Variants in CSNK2A2IP observed in about 807,000 individuals in gnomAD.
CSNK2A2IP encodes casein kinase 2 subunit alpha' interacting protein.
chr3:88,364,305 G>T, the CSNK2A2IP span, among the ~76,000 whole-genome samples: 1 of 151,878 alleles, frequency 6.6e-6, no homozygotes, highest in Non-Finnish European at 1.5e-5. Flanking sequence ...TATTGCTTCA[G>T]GTGGGATGGT....
At chr3:88,354,536 A>G in the CSNK2A2IP span, among the ~76,000 whole-genome samples, 66,631 of 151,994 alleles carry the variant, frequency 0.44, 15,860 homozygotes, top group South Asian at 0.62. Context: ...GAATATTTTA[A>G]GTGAGAGATG....
At chr3:88,386,455 C>T in the CSNK2A2IP span, among the ~76,000 whole-genome samples, 6 of 152,138 alleles carry the variant, frequency 3.9e-5, no homozygotes, top group South Asian at 2.1e-4. Context: ...AAAGAAACCA[C>T]GGAGAAAGCA....
the CSNK2A2IP span, among the ~76,000 whole-genome samples, chr3:88,427,487 C>A: frequency 6.6e-6 from 1 of 152,208 alleles, no homozygotes; most frequent in Non-Finnish European, 1.5e-5. Flanking sequence ...CAGGGCGTAT[C>A]AGAGACTTCT....
At chr3:88,449,786 G>T in the CSNK2A2IP span, among the ~76,000 whole-genome samples, 1 of 122,422 alleles carries the variant, frequency 8.2e-6, no homozygotes, top group East Asian at 2.7e-4. Flanking sequence ...GAGAAAAAAA[G>T]GTATATTTGG....
the CSNK2A2IP span, among the ~76,000 whole-genome samples, chr3:88,461,126 G>A: frequency 6.6e-6 from 1 of 151,904 alleles, no homozygotes; most frequent in Non-Finnish European, 1.5e-5. Flanking sequence ...TAGTTGTATC[G>A]TGCTATATAT....
the CSNK2A2IP span, among the ~76,000 whole-genome samples, chr3:88,352,711 C>A: frequency 1.3e-5 from 2 of 151,858 alleles, no homozygotes; most frequent in African/African-American, 2.4e-5. Context: ...CTTGAGTAGC[C>A]CGGACCACAG....
At chr3:88,460,064 T>C in the CSNK2A2IP span, among the ~76,000 whole-genome samples, 1 of 152,178 alleles carries the variant, frequency 6.6e-6, no homozygotes, top group Admixed American at 6.5e-5. Flanking sequence ...TCTATATTTA[T>C]GGTACTCTGA....
At chr3:88,452,434 C>G in the CSNK2A2IP span, among the ~76,000 whole-genome samples, 1 of 152,112 alleles carries the variant, frequency 6.6e-6, no homozygotes, top group African/African-American at 2.4e-5. Context: ...TGACTCAGCA[C>G]TCCACATGCT....
At chr3:88,429,296 C>A in the CSNK2A2IP span, among the ~76,000 whole-genome samples, 3 of 152,068 alleles carry the variant, frequency 2.0e-5, no homozygotes, top group Admixed American at 6.5e-5. Context: ...TGCCTCCAGG[C>A]TCTTTCCCAG....
At chr3:88,376,614 ATT>A in the CSNK2A2IP span, among the ~76,000 whole-genome samples, 1 of 151,412 alleles carries the variant, frequency 6.6e-6, no homozygotes, top group Non-Finnish European at 1.5e-5. Flanking sequence ...TACATTCACT[ATT>A]TTTTTTCAGC....
chr3:88,367,955 C>G, the CSNK2A2IP span, among the ~76,000 whole-genome samples: 4 of 151,988 alleles, frequency 2.6e-5, no homozygotes, highest in South Asian at 8.3e-4. Context: ...TAGCAGTGAG[C>G]GTTCTGTTGT....
chr3:88,466,215 T>C, the CSNK2A2IP span: 1 of 1,231,566 alleles, frequency 8.1e-7, no homozygotes, highest in African/African-American at 1.6e-5. Context: ...TATTGAACTC[T>C]AACCCCACTA....
At chr3:88,396,582 G>A in the CSNK2A2IP span, among the ~76,000 whole-genome samples, 2 of 152,176 alleles carry the variant, frequency 1.3e-5, no homozygotes, top group African/African-American at 4.8e-5. Flanking sequence ...ACGACCTGTG[G>A]TGGGAGGAAA....
At chr3:88,465,863 G>T in the CSNK2A2IP span, 1 of 1,231,662 alleles carries the variant, frequency 8.1e-7, no homozygotes, top group Non-Finnish European at 1.0e-6. Context: ...GTTTGCTGGA[G>T]ATCACTTTCA....
the CSNK2A2IP span, among the ~76,000 whole-genome samples, chr3:88,450,580 G>A: frequency 7.9e-5 from 12 of 152,122 alleles, no homozygotes; most frequent in Non-Finnish European, 1.8e-4. Flanking sequence ...TCAGCATAAT[G>A]TCCTTCAGGC....
chr3:88,408,838 G>GTTT, the CSNK2A2IP span, among the ~76,000 whole-genome samples: 16 of 146,396 alleles, frequency 1.1e-4, no homozygotes, highest in African/African-American at 4.0e-4. Flanking sequence ...TTGTTTTAAT[G>GTTT]TTTTTTTTTT....
At chr3:88,338,739 A>G in the CSNK2A2IP span, 1 of 152,078 alleles carries the variant, frequency 6.6e-6, no homozygotes, top group African/African-American at 2.4e-5. Context: ...GTATGAGCAA[A>G]TTGGTGGGCT....
chr3:88,445,969 CCTCT>C, the CSNK2A2IP span, among the ~76,000 whole-genome samples: 7 of 126,918 alleles, frequency 5.5e-5, no homozygotes, highest in South Asian at 2.7e-4. Context: ...TCCCTCCCTC[CCTCT>C]CTCTCTTTCT....
chr3:88,347,248 A>G, the CSNK2A2IP span, among the ~76,000 whole-genome samples: 1 of 152,022 alleles, frequency 6.6e-6, no homozygotes, highest in Non-Finnish European at 1.5e-5. Context: ...ACAATGAAGG[A>G]TTTAGAATAT....
Sources: allele counts gnomAD v4.1 joint callset (sites outside exome capture counted in the v4.1 genomes callset), GRCh38; gene constraint gnomAD v4.1.1; transcripts MANE v1.5; gene names NCBI Gene and HGNC (gene_info 2026-07-23, HGNC 2026-07-21).